KIRREL3: variants seen among roughly 807,000 people sequenced by gnomAD.
KIRREL3 encodes kin of IRRE-like protein 3.
A neutral mutation model predicts 89.7 loss-of-function variants in KIRREL3; 36 were observed. The observed-to-expected ratio is 0.40, with a 90% CI of 0.31 to 0.53. The LOEUF (loss-of-function observed/expected upper bound fraction) is 0.53, where lower values mean the gene tolerates loss of function less well. KIRREL3 is among the 20% of genes least tolerant of loss of function. KIRREL3 has a pLI of 0.49. For missense variants in KIRREL3, 864 were observed against 1,056.6 expected, an observed-to-expected ratio of 0.82 and a Z score of 2.53; for synonymous variants, 445 against 441.4, an observed-to-expected ratio of 1.01 and a Z score of -0.10.
chr11:126,507,233 T>C (rs1241101938), intron 4 of KIRREL3, among the ~76,000 whole-genome samples: 1 of 151,898 alleles, frequency 6.6e-6, no homozygotes. Context: ...AGGGATCGTT[T>C]TAGGGTGATG....
rs1449155017 is a variant in KIRREL3, at chr11:126,904,155, C to G, written c.55+96300G>C. On this transcript the variant is annotated intron_variant, in intron 1 of 16. Transcript: ENST00000525144. The surrounding 1 kb of genome is among the most constrained non-coding windows in gnomAD (Gnocchi z 4.4). ...AAAAAACTGCCTCACTCTAAGAGAACCATACCCTTTGAAGCCTCTTTTTAA... is the reference window on the plus strand; with the variant it reads ...AAAAAACTGCCTCACTCTAAGAGAAGCATACCCTTTGAAGCCTCTTTTTAA... 1.3e-5 allele frequency among the ~76,000 whole-genome samples: 2 copies of G among 152,166 alleles called. No homozygotes were observed. Among genetic ancestry groups the G allele is most frequent in the Non-Finnish European group, 2.9e-5 (2 of 68,028 alleles).
chr11:126,730,507 T>G (rs1948574532), intron 1 of KIRREL3, among the ~76,000 whole-genome samples: 1 of 152,200 alleles, frequency 6.6e-6, no homozygotes, highest in African/African-American at 2.4e-5. Context: ...AGACTGGTGG[T>G]TCTCCACCAT....
chr11:126,867,638 C>A lies in KIRREL3; in HGVS notation c.55+132817G>T, dbSNP rs1944967868. On this transcript the variant is annotated intron_variant, in intron 1 of 16. Transcript: ENST00000525144. The surrounding 1 kb of genome is among the most constrained non-coding windows in gnomAD (Gnocchi z 4.7). ...ATGATTACCGAGTGCCATGCCCCAT[C>A]AGGATGTGCTGGTAATATTTCCAGG... Among the ~76,000 whole-genome samples, 1 of 152,212 alleles carries A rather than the reference C, an allele frequency of 6.6e-6. No homozygotes were observed. The highest frequency in any genetic ancestry group is 1.5e-5 in the Non-Finnish European group (1 of 68,036).
At chr11:126,961,691 C>T (rs1221340778) in intron 1 of KIRREL3, among the ~76,000 whole-genome samples, 2 of 152,218 alleles carry the variant, frequency 1.3e-5, no homozygotes, top group African/African-American at 4.8e-5. Context: ...ATAAATGTGG[C>T]TACACTCAAC....
In KIRREL3 at chr11:126,455,020, C is replaced by T. The variant is rs766624990; in HGVS notation, c.848+1329G>A. 2.2e-4 allele frequency among the ~76,000 whole-genome samples: 33 copies of T among 152,348 alleles called. No individual in the cohort carries two copies. Among genetic ancestry groups the T allele is most frequent in the Admixed American group, 1.3e-3 (20 of 15,308 alleles). ...GGCTGTCCCTGTGGCCCATTTCCTT[C>T]CATTCTGCCCACGGGGGCCACACTG... On this transcript the variant is annotated intron_variant, in intron 7 of 16. Transcript: ENST00000525144. This position sits in a 1 kb window ranked among gnomAD's most constrained non-coding sequence, Gnocchi z 6.4.
intron 1 of KIRREL3, among the ~76,000 whole-genome samples, chr11:126,800,138 T>G (rs748505713): frequency 6.6e-6 from 1 of 152,246 alleles, no homozygotes; most frequent in Non-Finnish European, 1.5e-5. Context: ...ACATCAGTTA[T>G]GACTCAGGTC....
rs185240926 is a variant in KIRREL3, at chr11:126,932,734, C to T, written c.55+67721G>A. Among the ~76,000 whole-genome samples, 7 of 152,324 alleles carry T rather than the reference C, an allele frequency of 4.6e-5. No homozygotes were observed. The East Asian group carries it at 1.3e-3, about 29-fold the overall frequency. On this transcript the variant is annotated intron_variant, in intron 1 of 16. Coordinates refer to ENST00000525144, the MANE Select transcript of KIRREL3 (RefSeq NM_032531.4). ...TGTATTTAATTTACTTGTAAGTGAA[C>T]AGCTTCTATGTGTTAGAAAAAAATA...
intron 2 of KIRREL3, among the ~76,000 whole-genome samples, chr11:126,529,029 C>T (rs180901148): frequency 2.6e-5 from 4 of 152,272 alleles, no homozygotes; most frequent in East Asian, 3.9e-4. Flanking sequence ...GTCAGGTGGA[C>T]GTGGAGGGGG....
intron 1 of KIRREL3, among the ~76,000 whole-genome samples, chr11:126,982,510 C>T (rs1214868536): frequency 6.6e-6 from 1 of 152,178 alleles, no homozygotes; most frequent in Non-Finnish European, 1.5e-5. Flanking sequence ...AACTTCAACA[C>T]CTGGGCAACA....
chr11:126,504,645 C>A (rs900960446), intron 4 of KIRREL3, among the ~76,000 whole-genome samples: 6 of 152,324 alleles, frequency 3.9e-5, no homozygotes, highest in Admixed American at 6.5e-5. Flanking sequence ...ATAAACACTT[C>A]CCTACTCATC....
At chr11:126,567,458 C>T (rs570197347) in intron 1 of KIRREL3, among the ~76,000 whole-genome samples, 21 of 152,258 alleles carry the variant, frequency 1.4e-4, no homozygotes, top group African/African-American at 4.6e-4. Flanking sequence ...TTGTTTAAGC[C>T]CCACAGCTGG....
At position 126,876,113 on chromosome 11, in the gene KIRREL3, C is replaced by T. The variant is rs1320676348; in HGVS notation, c.55+124342G>A. On this transcript the variant is annotated intron_variant, in intron 1 of 16. Transcript: ENST00000525144. The surrounding 1 kb of genome is among the most constrained non-coding windows in gnomAD (Gnocchi z 4.1). ...AATAATGACTTCAAAGGGCAGCCGT[C>T]TTCTACTAGCTCTTCAGAACTTTCT... is the stretch of plus-strand genomic sequence containing the variant. Among the ~76,000 whole-genome samples, 1 of 152,174 alleles carries T rather than the reference C, an allele frequency of 6.6e-6. No individual in the cohort carries two copies. Among genetic ancestry groups the T allele is most frequent in the Non-Finnish European group, 1.5e-5 (1 of 68,028 alleles).
chr11:126,452,799 T>TG (rs1956222073), intron 7 of KIRREL3, among the ~76,000 whole-genome samples: 1 of 152,152 alleles, frequency 6.6e-6, no homozygotes, highest in Non-Finnish European at 1.5e-5. Context: ...CCAGGTCTTT[T>TG]GGGGAGGTGC....
At position 126,900,625 on chromosome 11, in the gene KIRREL3, AT is replaced by A. The variant is rs1046433797; in HGVS notation, c.55+99829del. On this transcript the variant is annotated intron_variant, in intron 1 of 16. Transcript: ENST00000525144. This position sits in a 1 kb window ranked among gnomAD's most constrained non-coding sequence, Gnocchi z 4.4. Reference sequence around the variant, plus strand: ...ATTAAGCTCAGAGATAAAGAATTCCATTACTAATGCCTTTCAGCAAAGCCCA... The same window carrying A: ...ATTAAGCTCAGAGATAAAGAATTCCATACTAATGCCTTTCAGCAAAGCCCA... Among the ~76,000 whole-genome samples, 1 of 152,248 alleles carries A rather than the reference AT, an allele frequency of 6.6e-6. No homozygotes were observed. Among genetic ancestry groups the A allele is most frequent in the African/African-American group, 2.4e-5 (1 of 41,462 alleles).
chr11:126,580,645 G>A (rs1288012246), intron 1 of KIRREL3, among the ~76,000 whole-genome samples: 1 of 152,062 alleles, frequency 6.6e-6, no homozygotes, highest in Non-Finnish European at 1.5e-5. Flanking sequence ...TTTGTGCACT[G>A]CCCTCCTGCA....
Position 126,748,529 on chromosome 11 carries a change from C to T in KIRREL3, c.56-185617G>A, listed in dbSNP as rs760945191. 3.3e-5 allele frequency among the ~76,000 whole-genome samples: 5 copies of T among 152,166 alleles called. No individual in the cohort carries two copies. Among genetic ancestry groups the T allele is most frequent in the Admixed American group, 6.5e-5 (1 of 15,274 alleles). Reference sequence around the variant, plus strand: ...GCTCTGTGGAGGCGAGGCCTGGCTCCGTTCAAGTGCTTAGGCAGGGACCAT... The same window carrying T: ...GCTCTGTGGAGGCGAGGCCTGGCTCTGTTCAAGTGCTTAGGCAGGGACCAT... On this transcript the variant is annotated intron_variant, in intron 1 of 16. Transcript: ENST00000525144. This position sits in a 1 kb window ranked among gnomAD's most constrained non-coding sequence, Gnocchi z 4.6.
At chr11:126,937,311 C>A (rs1948231331) in intron 1 of KIRREL3, among the ~76,000 whole-genome samples, 1 of 152,214 alleles carries the variant, frequency 6.6e-6, no homozygotes, top group Non-Finnish European at 1.5e-5. Flanking sequence ...AGTTGACTGG[C>A]CTCTCCTTTG....
Position 126,823,257 on chromosome 11 carries a change from T to C in KIRREL3, c.55+177198A>G, listed in dbSNP as rs149652496. On this transcript the variant is annotated intron_variant, in intron 1 of 16. Coordinates refer to ENST00000525144, the MANE Select transcript of KIRREL3 (RefSeq NM_032531.4). The stretch of plus-strand genomic sequence containing the variant: ...CTTGATGTCTTTTGCTGCTTTGAAA[T>C]GAAAGCATTATACTTCAGCTAAGGG... Among the ~76,000 whole-genome samples the C allele has an allele frequency of 3.7e-3, 560 of 152,286 alleles. 1 individual carries two copies. Among genetic ancestry groups the C allele is most frequent in the Middle Eastern group, 6.8e-3 (2 of 294 alleles).
chr11:126,524,985 C>T (rs1369994559), intron 3 of KIRREL3, among the ~76,000 whole-genome samples: 1 of 152,142 alleles, frequency 6.6e-6, no homozygotes, highest in Admixed American at 6.5e-5. Context: ...TATGGAGAGG[C>T]AAACCGAGTC....
Sources: gnomAD v4.1 joint callset for allele counts (sites outside exome capture counted in the v4.1 genomes callset) on GRCh38, gnomAD v4.1.1 for gene constraint, Gnocchi (gnomAD v3.1) non-coding constraint, MANE v1.5 for transcripts, NCBI Gene and HGNC (gene_info 2026-07-23, HGNC 2026-07-21) for gene names.